The following SPDL1 variants were observed in gnomAD, a reference collection of about 807,000 sequenced individuals.
SPDL1 encodes protein Spindly.
A neutral mutation model predicts 79.5 loss-of-function variants in SPDL1; 85 were observed. That is an observed-to-expected ratio of 1.07 (90% confidence interval 0.90 to 1.28). SPDL1 has a LOEUF of 1.28. Ranked by LOEUF, SPDL1 falls within the 50% of genes most tolerant of loss-of-function variation. The pLI is 0.00. For synonymous variants in SPDL1, 269 were observed against 240.3 expected, an observed-to-expected ratio of 1.12 and a Z score of -1.10; for missense variants, 703 against 697.8, an observed-to-expected ratio of 1.01 and a Z score of -0.08.
chr5:169,597,252 G>A (rs868208109), intron 8 of SPDL1, among the ~76,000 whole-genome samples: 338 of 152,004 alleles, frequency 2.2e-3, no homozygotes, highest in Non-Finnish European at 3.6e-3. Context: ...GTGTGTGTGT[G>A]TGTGTGTGTG....
In SPDL1 at chr5:169,598,971, G is replaced by T; in HGVS notation, c.1137-1G>T. The T allele has an allele frequency of 1.3e-6, 2 of 1,526,416 alleles. No individual in the cohort carries two copies. The highest frequency in any genetic ancestry group is 8.8e-7 in the Non-Finnish European group (1 of 1,134,934). The allele number at this position is 1,526,416 out of a possible 1,614,324, so 94.6% of individuals were successfully genotyped here. ...TTGGTTCTCCTTTTTTATTATCATA[G>T]CAAAGAAATTGAAAGCACTAAAGGT... On this transcript the variant is annotated splice_acceptor_variant, in intron 9 of 11. Coordinates refer to ENST00000265295, the MANE Select transcript of SPDL1 (RefSeq NM_017785.5). LOFTEE classifies it high-confidence loss of function.
At position 169,596,512 on chromosome 5, in the gene SPDL1, A is replaced by C. The variant is rs1045819571; in HGVS notation, c.892-49A>C. The C allele has an allele frequency of 2.7e-6, 4 of 1,507,140 alleles. No homozygotes were observed. In the African/African-American group the frequency reaches 5.6e-5, roughly 21 times the overall value. 93.4% of individuals were successfully genotyped at this position (1,507,140 alleles called of 1,614,324 possible). A position where few individuals can be genotyped will look rare whatever the true frequency, so the allele number is the denominator to read the frequency against. On this transcript the variant is annotated intron_variant, in intron 7 of 11. Coordinates refer to ENST00000265295, the MANE Select transcript of SPDL1 (RefSeq NM_017785.5). ...TTGTATCAAAAAAGTAGTTATCAGA[A>C]TCTTTCTCTCACTTAATTTTATTAG...
chr5:169,593,453 G>C lies in SPDL1; in HGVS notation c.436G>C (p.Glu146Gln), dbSNP rs1755405822. Residue 146 changes from glutamate to glutamine, a missense_variant, in exon 4 of 12, where the codon GAG (glutamate) becomes CAG (glutamine). Transcript: ENST00000265295. ...HQKELLSCKS[E>Q]ELRVMSERVQ... ...GAAGGAACTCCTCTCTTGTAAATCA[G>C]AGGAACTGCGCGTAATGTCTGAACG... 1 of 1,613,988 alleles carries C rather than the reference G, an allele frequency of 6.2e-7. No individual in the cohort carries two copies. The highest frequency in any genetic ancestry group is 8.5e-7 in the Non-Finnish European group (1 of 1,180,028).
In SPDL1 at chr5:169,594,821, T is replaced by C; in HGVS notation, c.891+140T>C. The stretch of plus-strand genomic sequence containing the variant: ...TCTAGAACTGCATGATTTCAAAAAA[T>C]CAATTTTGAAATTAAAAGATTCATT... On this transcript the variant is annotated intron_variant, in intron 7 of 11. Transcript: ENST00000265295. 7.4e-6 allele frequency: 4 copies of C among 538,974 alleles called. No individual in the cohort carries two copies. The South Asian group carries it at 1.3e-4, about 18-fold the overall frequency. 33.4% of individuals were successfully genotyped at this position (538,974 alleles called of 1,614,324 possible).
At chr5:169,602,423 A>G (rs1755980564) in intron 11 of SPDL1, among the ~76,000 whole-genome samples, 1 of 152,238 alleles carries the variant, frequency 6.6e-6, no homozygotes, top group Non-Finnish European at 1.5e-5. Flanking sequence ...GGCATTTAAA[A>G]CAAATATCTA....
chr5:169,592,446 A>G (rs2113346644), intron 3 of SPDL1, among the ~76,000 whole-genome samples: 1 of 151,292 alleles, frequency 6.6e-6, no homozygotes, highest in Middle Eastern at 3.4e-3. Flanking sequence ...CTAACTCCTG[A>G]CCTCGTGATC....
intron 8 of SPDL1, 73 bp from the exon 9 acceptor site, chr5:169,598,403 G>A: frequency 1.1e-6 from 1 of 921,002 alleles, no homozygotes; most frequent in South Asian, 1.4e-5. Context: ...AAGTGATGGT[G>A]CTATTATTAA....
chr5:169,591,811 T>C (rs1348599764), intron 3 of SPDL1, among the ~76,000 whole-genome samples: 4 of 152,256 alleles, frequency 2.6e-5, no homozygotes, highest in African/African-American at 9.6e-5. Flanking sequence ...ACTGAGGCTG[T>C]CTGACTCCAA....
At chr5:169,598,929 T>C in intron 9 of SPDL1, 43 bp from the exon 10 acceptor site, 1 of 1,500,218 alleles carries the variant, frequency 6.7e-7, no homozygotes, top group Non-Finnish European at 8.9e-7. Flanking sequence ...ACTTATTATA[T>C]GCTGTCTTAA....
Position 169,604,216 on chromosome 5 carries a change from C to G in SPDL1, c.*9C>G, listed in dbSNP as rs780606230. On this transcript the variant is annotated 3_prime_UTR_variant, in exon 12 of 12. Transcript: ENST00000265295. ...AGTGCCCTCAACAGTAAAGACTTGT[C>G]TTTAATAAGAGTACGGTGCCACTTG... The G allele has an allele frequency of 1.0e-5, 16 of 1,553,262 alleles. No individual in the cohort carries two copies. Among genetic ancestry groups the G allele is most frequent in the Non-Finnish European group, 1.4e-5 (16 of 1,154,300 alleles).
rs1755452262 is a variant in SPDL1, at chr5:169,594,172, C to CTGTA, written c.560_561insGTAT (p.Gln188TyrfsTer14). ...CACCCTCAAAGAAGAAGTGAATGAA[C>CTGTA]TACAATACAGACAAGAACAGCTAGA... is the stretch of plus-strand genomic sequence containing the variant. On this transcript the variant is annotated frameshift_variant, in exon 5 of 12. Coordinates refer to ENST00000265295, the MANE Select transcript of SPDL1 (RefSeq NM_017785.5). LOFTEE classifies it high-confidence loss of function. The CTGTA allele has an allele frequency of 6.2e-7, 1 of 1,611,490 alleles. No individual in the cohort carries two copies. The highest frequency in any genetic ancestry group is 1.3e-5 in the African/African-American group (1 of 74,710).
In SPDL1 at chr5:169,591,277, C is replaced by T. The variant is rs1241335061; in HGVS notation, c.336+53C>T. The T allele has an allele frequency of 2.6e-6, 4 of 1,560,852 alleles. No individual in the cohort carries two copies. In the African/African-American group the frequency reaches 4.1e-5, roughly 16 times the overall value. On this transcript the variant is annotated intron_variant, in intron 3 of 11. Coordinates refer to ENST00000265295, the MANE Select transcript of SPDL1 (RefSeq NM_017785.5). ...AAATATTCCATATTTATGCAGCCAT[C>T]TGTAAACTTTAGATGATAAAGATTT...
At chr5:169,592,052 C>G (rs1755314589) in intron 3 of SPDL1, among the ~76,000 whole-genome samples, 1 of 152,106 alleles carries the variant, frequency 6.6e-6, no homozygotes, top group South Asian at 2.1e-4. Flanking sequence ...GACTTTTGTC[C>G]TCCTTTCTCA....
At chr5:169,593,310 A>G (rs769923122) in intron 3 of SPDL1, 44 bp from the exon 4 acceptor site, 2 of 1,498,726 alleles carry the variant, frequency 1.3e-6, no homozygotes, top group Non-Finnish European at 1.8e-6. Context: ...GTTTTTAGAA[A>G]GAAAATAACT....
chr5:169,596,522 C>A, intron 7 of SPDL1, 39 bp from the exon 8 acceptor site: 1 of 1,554,972 alleles, frequency 6.4e-7, no homozygotes, highest in South Asian at 1.1e-5. Context: ...ATCTTTCTCT[C>A]ACTTAATTTT....
rs11301691 is a variant in SPDL1 at position 169,592,805 on chromosome 5, C to CTTTT, written c.337-530_337-527dup. On this transcript the variant is annotated intron_variant, in intron 3 of 11. Transcript: ENST00000265295. ...GAGGTAAGGCTAATTATAGAGATGG[C>CTTTT]TTTTTTTTTTTTTTTTTTTTTTGGT... Among the ~76,000 whole-genome samples the CTTTT allele has an allele frequency of 7.1e-5, 6 of 85,010 alleles. 1 individual carries two copies. Among genetic ancestry groups the CTTTT allele is most frequent in the South Asian group, 4.8e-4 (1 of 2,064 alleles). 55.8% of individuals were successfully genotyped at this position (85,010 alleles called of 152,430 possible).
intron 1 of SPDL1, chr5:169,587,373 G>A (rs1006294527): frequency 6.6e-6 from 1 of 152,198 alleles, no homozygotes. Flanking sequence ...GAAGGCAAAG[G>A]TGAGTTTGAG....
Position 169,596,488 on chromosome 5 carries a change from T to C in SPDL1, c.892-73T>C, listed in dbSNP as rs1009425984. 7.8e-6 allele frequency: 10 copies of C among 1,283,316 alleles called. No homozygotes were observed. In the Admixed American group the frequency reaches 2.0e-4, roughly 26 times the overall value. The allele number at this position is 1,283,316 out of a possible 1,614,324, so 79.5% of individuals were successfully genotyped here. A position where few individuals can be genotyped will look rare whatever the true frequency, so the allele number is the denominator to read the frequency against. On this transcript the variant is annotated intron_variant, in intron 7 of 11. Transcript: ENST00000265295. Reference sequence around the variant, plus strand: ...AAGTAATATAGTACAAATTATGAATTGTATCAAAAAAGTAGTTATCAGAAT... The same window carrying C: ...AAGTAATATAGTACAAATTATGAATCGTATCAAAAAAGTAGTTATCAGAAT...
At chr5:169,590,983 C>G in intron 2 of SPDL1, 65 bp from the exon 3 acceptor site, 1 of 1,325,062 alleles carries the variant, frequency 7.5e-7, no homozygotes, top group Non-Finnish European at 1.1e-6. Flanking sequence ...AAGTTGAAAA[C>G]TGATTGTATG....
Sources: gnomAD v4.1 joint callset for allele counts (sites outside exome capture counted in the v4.1 genomes callset) on GRCh38, gnomAD v4.1.1 for gene constraint, MANE v1.5 for transcripts, NCBI Gene and HGNC (gene_info 2026-07-23, HGNC 2026-07-21) for gene names.